The following PLEC variants were observed in gnomAD, a reference collection of about 807,000 sequenced individuals.
PLEC encodes the protein hemidesmosomal protein 1.
PLEC carries 216 observed loss-of-function variants against 392.8 expected under a neutral mutation model. The observed-to-expected ratio is 0.55, with a 90% CI of 0.49 to 0.62. The LOEUF (loss-of-function observed/expected upper bound fraction) is 0.62, where lower values mean the gene tolerates loss of function less well. Among genes scored for constraint, PLEC ranks in the 20% least tolerant of loss-of-function variants. The pLI is 0.00. For missense variants in PLEC, 6,863 were observed against 6,563.4 expected (o/e 1.05, Z -1.58); for synonymous variants, 3,621 against 2,980.6 (o/e 1.21, Z -7.00).
At chr8:143,933,148 C>T in intron 13 of PLEC, 37 bp from the exon 14 acceptor site, 1 of 1,606,822 alleles carries the variant, frequency 6.2e-7, no homozygotes, top group Non-Finnish European at 8.5e-7. Context: ...TGTTGGCGGG[C>T]CTGGGGCCGT....
chr8:143,975,227 C>A, upstream of PLEC: 1 of 1,605,518 alleles, frequency 6.2e-7, no homozygotes, highest in South Asian at 1.1e-5. The surrounding 1 kb of genome is among the most constrained non-coding windows in gnomAD (Gnocchi z 9.9). Flanking sequence ...ACTCCCGTTG[C>A]TCCCAGCGCC....
chr8:143,945,832 C>T (rs1166426376), intron 1 of PLEC, among the ~76,000 whole-genome samples: 1 of 152,248 alleles, frequency 6.6e-6, no homozygotes, highest in African/African-American at 2.4e-5. Context: ...CTCCTGCTCT[C>T]CAGCCCCACA....
chr8:143,937,809 G>A (rs1554724739), intron 3 of PLEC: 1 of 539,800 alleles, frequency 1.9e-6, no homozygotes. Context: ...CAGGGCAAAG[G>A]GTAAAGGGCA....
intron 3 of PLEC, chr8:143,937,732 C>T (rs782306860): frequency 2.0e-6 from 1 of 492,850 alleles, no homozygotes; most frequent in Non-Finnish European, 4.0e-6. Context: ...CTGCAGCCGG[C>T]AGGCACAGCC....
rs1007742348 is a variant in PLEC, at chr8:143,938,485, G to C, written c.174+146C>G. ...GAGAGGCAGGAGCAGGCGTAGGGAA[G>C]AAAGAGGACAGAAAATAACAGGTTT... On this transcript the variant is annotated intron_variant, in intron 2 of 31. Transcript: ENST00000345136. The C allele has an allele frequency of 2.0e-5, 31 of 1,552,294 alleles. No homozygotes were observed. In the Admixed American group the frequency reaches 5.6e-4, roughly 28 times the overall value.
chr8:143,919,295 G>A lies in PLEC; in HGVS notation c.10526C>T (p.Thr3509Ile), dbSNP rs1821699183. The A allele has an allele frequency of 6.2e-7, 1 of 1,614,018 alleles. No homozygotes were observed. The highest frequency in any genetic ancestry group is 1.1e-5 in the South Asian group (1 of 91,088). Residue 3509 changes from threonine (T) to isoleucine (I), a missense_variant, in exon 32 of 32, where the codon ACC becomes ATC. Transcript: ENST00000345136. ...NRVLADPSDDTKGFFDPNTHE... is the reference protein window; with the variant it reads ...NRVLADPSDDIKGFFDPNTHE... ...CGTGTTGGGGTCAAAGAAGCCCTTG[G>A]TGTCGTCGCTGGGGTCCGCCAGGAC...
chr8:143,957,345 T>C (rs1017232447), upstream of PLEC, among the ~76,000 whole-genome samples: 11 of 152,110 alleles, frequency 7.2e-5, no homozygotes, highest in Admixed American at 1.3e-4. Context: ...GCCAGTGAAC[T>C]GCAGGGACCC....
chr8:143,924,646 C>G lies in PLEC; in HGVS notation c.5283G>C (p.Arg1761=). The G allele has an allele frequency of 6.5e-7, 1 of 1,537,762 alleles. No homozygotes were observed. The highest frequency in any genetic ancestry group is 2.4e-5 in the East Asian group (1 of 40,960). The stretch of plus-strand genomic sequence containing the variant: ...TGGCCAGCAGCACCTCCATCTCGGC[C>G]CGCACCTTGGCCAGCTCGGCTTCCA... The part of the protein sequence containing the change: ...QELEAELAKV[R]AEMEVLLASK... Residue 1761 remains arginine (R), a synonymous_variant, in exon 31 of 32, where the codon CGG becomes CGC. Coordinates refer to ENST00000345136, the MANE Select transcript of PLEC (RefSeq NM_201384.3).
intron 1 of PLEC, among the ~76,000 whole-genome samples, chr8:143,947,719 C>T (rs1207644145): frequency 6.6e-6 from 1 of 152,234 alleles, no homozygotes; most frequent in Non-Finnish European, 1.5e-5. Flanking sequence ...TATTGCACTC[C>T]AGCCTGGGCA....
At chr8:143,947,187 C>T (rs1182369851) in intron 1 of PLEC, among the ~76,000 whole-genome samples, 1 of 152,248 alleles carries the variant, frequency 6.6e-6, no homozygotes, top group Admixed American at 6.5e-5. Flanking sequence ...CACCTCCAGG[C>T]TTCCTCCTTG....
rs781808057 is a variant in PLEC at position 143,917,580 on chromosome 8, T to A, written c.12241A>T (p.Thr4081Ser). The change falls in exon 32 of 32, where the codon ACC (threonine) becomes TCC (serine). Residue 4081 changes from threonine (T) to serine (S), a missense_variant. Coordinates refer to ENST00000345136, the MANE Select transcript of PLEC (RefSeq NM_201384.3). ...CCCTTGGTGTCGTCCGAGGGGTCGG[T>A]CAGGATCTCGTTCATCTCCTCATCG... Reference protein sequence around the residue: ...LFDEEMNEILTDPSDDTKGFF... With the variant: ...LFDEEMNEILSDPSDDTKGFF... The A allele has an allele frequency of 1.2e-6, 2 of 1,613,840 alleles. No homozygotes were observed. The highest frequency in any genetic ancestry group is 1.7e-6 in the Non-Finnish European group (2 of 1,180,012).
At chr8:143,972,848 C>G (rs1163680227) in intron 1 of PLEC, among the ~76,000 whole-genome samples, 1 of 152,150 alleles carries the variant, frequency 6.6e-6, no homozygotes. Flanking sequence ...CTGATGCTCC[C>G]CTAGAGAGGA....
At chr8:143,970,309 A>G (rs1833353603) in intron 1 of PLEC, among the ~76,000 whole-genome samples, 1 of 152,046 alleles carries the variant, frequency 6.6e-6, no homozygotes, top group Admixed American at 6.5e-5. Context: ...AAAAAAAAAA[A>G]AAATCAAGCA....
chr8:143,932,691 G>C lies in PLEC; in HGVS notation c.1759C>G (p.Arg587Gly), dbSNP rs554022624. 6 of 1,607,658 alleles carry C rather than the reference G, an allele frequency of 3.7e-6. No individual in the cohort carries two copies. Among genetic ancestry groups the C allele is most frequent in the Non-Finnish European group, 5.1e-6 (6 of 1,177,806 alleles). The change falls in exon 15 of 32, where the codon CGG (arginine) becomes GGG (glycine). Residue 587 changes from arginine (R) to glycine (G), a missense_variant. Transcript: ENST00000345136. ...CCCAGGCAGTCACGGTAGGCACCCC[G>C]GGTGGCGGGGGAGAGCTGGCCCTGC... ...SDEGQLSPAT[R>G]GAYRDCLGRL...
At chr8:143,941,530 AG>A (rs1207024891), upstream of PLEC, among the ~76,000 whole-genome samples, 1 of 151,476 alleles carries the variant, frequency 6.6e-6, no homozygotes, top group Non-Finnish European at 1.5e-5. Context: ...GGGGCGGGGC[AG>A]GGCTGGGACC....
chr8:143,943,551 CACCT>C (rs1554730299), upstream of PLEC, among the ~76,000 whole-genome samples: 1 of 152,180 alleles, frequency 6.6e-6, no homozygotes, highest in Non-Finnish European at 1.5e-5. Context: ...CGCTTCCACC[CACCT>C]GTCCCGCACA....
intron 18 of PLEC, 58 bp from the exon 19 acceptor site, chr8:143,931,717 G>A: frequency 6.4e-7 from 1 of 1,567,160 alleles, no homozygotes; most frequent in Non-Finnish European, 8.6e-7. Context: ...CCAGCCCACA[G>A]TTGTCCCAGG....
At chr8:143,945,646 C>T (rs1396004018) in intron 1 of PLEC, among the ~76,000 whole-genome samples, 1 of 152,234 alleles carries the variant, frequency 6.6e-6, no homozygotes, top group Non-Finnish European at 1.5e-5. Context: ...GACCAGGAGC[C>T]TGAGGCGCCG....
upstream of PLEC, among the ~76,000 whole-genome samples, chr8:143,953,137 G>T (rs574465637): frequency 1.8e-3 from 275 of 151,572 alleles, 3 homozygotes; most frequent in African/African-American, 6.5e-3. Flanking sequence ...ACCGAAGCGG[G>T]AGCTGATTCA....
Sources: allele counts gnomAD v4.1 joint callset (sites outside exome capture counted in the v4.1 genomes callset), GRCh38; gene constraint gnomAD v4.1.1; non-coding constraint Gnocchi (gnomAD v3.1); transcripts MANE v1.5; gene names NCBI Gene and HGNC (gene_info 2026-07-23, HGNC 2026-07-21).